COL28A1: variants seen among roughly 807,000 people sequenced by gnomAD.
The protein encoded by COL28A1 is collagen alpha-1(XXVIII) chain.
COL28A1 carries 161 observed loss-of-function variants against 150.2 expected under a neutral mutation model. The ratio of observed to expected loss-of-function variants is 1.07; its 90% CI spans 0.94 to 1.22. The LOEUF (loss-of-function observed/expected upper bound fraction) is 1.22. Among genes scored for constraint, COL28A1 ranks in the 50% most tolerant of loss-of-function variants. The probability of loss-of-function intolerance (pLI) is 0.00; values close to 1 mark genes in which losing one functional copy is unlikely to be tolerated. For missense variants in COL28A1, 1,617 were observed against 1,388.3 expected, an observed-to-expected ratio of 1.16 and a Z score of -2.62; for synonymous variants, 552 against 469.7, an observed-to-expected ratio of 1.18 and a Z score of -2.26.
chr7:7,454,721 G>C (rs1787003825), intron 16 of COL28A1, among the ~76,000 whole-genome samples: 1 of 152,164 alleles, frequency 6.6e-6, no homozygotes, highest in Non-Finnish European at 1.5e-5. Context: ...CAGGAGCACT[G>C]CAAGACCCAA....
At position 7,517,881 on chromosome 7, in the gene COL28A1, G is replaced by A. The variant is rs746746844; in HGVS notation, c.814-44C>T. 5.0e-6 allele frequency: 8 copies of A among 1,608,510 alleles called. 1 individual carries two copies. In the South Asian group the frequency reaches 5.5e-5, roughly 11 times the overall value. On this transcript the variant is annotated intron_variant, in intron 6 of 34. Coordinates refer to ENST00000399429, the MANE Select transcript of COL28A1 (RefSeq NM_001037763.3). ...AGTAAAAATTCCACAGCCCTGAAGA[G>A]TGACTGATTGCTCAATAAAATGCAT...
intron 11 of COL28A1, among the ~76,000 whole-genome samples, chr7:7,504,734 A>C (rs554807760): frequency 6.6e-6 from 1 of 152,326 alleles, no homozygotes; most frequent in South Asian, 2.1e-4. Context: ...TTCCAAAATG[A>C]AAATGCTAAG....
chr7:7,540,641 TGCTTGA>T (rs1394827247), upstream of COL28A1, among the ~76,000 whole-genome samples: 1 of 152,226 alleles, frequency 6.6e-6, no homozygotes, highest in Non-Finnish European at 1.5e-5. Context: ...TCCAGGCTTG[TGCTTGA>T]GCAGGAGAAA....
the COL28A1 span, among the ~76,000 whole-genome samples, chr7:7,342,528 T>G: frequency 4.6e-5 from 7 of 152,174 alleles, no homozygotes; most frequent in African/African-American, 1.7e-4. Flanking sequence ...TTTCTTTTTT[T>G]AGATTAATTA....
chr7:7,450,294 A>G (rs1786591138), intron 18 of COL28A1, among the ~76,000 whole-genome samples: 1 of 152,206 alleles, frequency 6.6e-6, no homozygotes, highest in African/African-American at 2.4e-5. Flanking sequence ...CTAAATTTTA[A>G]AAACAAAACA....
chr7:7,444,584 C>T, intron 18 of COL28A1, 95 bp from the exon 19 acceptor site: 1 of 1,246,102 alleles, frequency 8.0e-7, no homozygotes, highest in Non-Finnish European at 1.1e-6. Flanking sequence ...TGAGAAAAGC[C>T]TCCGAGAAAT....
intron 27 of COL28A1, among the ~76,000 whole-genome samples, chr7:7,393,137 G>A (rs1422754889): frequency 6.6e-6 from 1 of 152,138 alleles, no homozygotes; most frequent in African/African-American, 2.4e-5. Context: ...CTTCAGATGG[G>A]GTTTCTGAGT....
chr7:7,358,689 A>C lies in COL28A1; in HGVS notation c.3322T>G (p.Ser1108Ala). The change falls in exon 35 of 35, where the codon TCA becomes GCA. Residue 1108 changes from serine (S) to alanine (A), a missense_variant. Physicochemically the swap from Ser to Ala is moderately conservative, Grantham distance 99. Coordinates refer to ENST00000399429, the MANE Select transcript of COL28A1 (RefSeq NM_001037763.3). Reference sequence around the variant, plus strand: ...TTTTCACTGTTGAATCTATTTCCTGAGCCATTACAGCCACTGAACCAAAAT... The same window carrying C: ...TTTTCACTGTTGAATCTATTTCCTGCGCCATTACAGCCACTGAACCAAAAT... ...ARFWFSGCNG[S>A]GNRFNSEKEC... 1.9e-6 allele frequency: 3 copies of C among 1,614,032 alleles called. No homozygotes were observed. Among genetic ancestry groups the C allele is most frequent in the Non-Finnish European group, 2.5e-6 (3 of 1,179,952 alleles).
chr7:7,477,798 C>A (rs908235372), intron 13 of COL28A1, among the ~76,000 whole-genome samples: 3 of 152,192 alleles, frequency 2.0e-5, no homozygotes, highest in Admixed American at 2.0e-4. Flanking sequence ...GTTGCCTCTG[C>A]TGGCTAGGGC....
At chr7:7,345,339 A>G in the COL28A1 span, among the ~76,000 whole-genome samples, 1 of 152,020 alleles carries the variant, frequency 6.6e-6, no homozygotes, top group Non-Finnish European at 1.5e-5. Flanking sequence ...TAATATGTTC[A>G]TTATTATCTT....
intron 6 of COL28A1, among the ~76,000 whole-genome samples, chr7:7,518,713 T>A (rs1239460930): frequency 6.6e-6 from 1 of 152,196 alleles, no homozygotes; most frequent in Non-Finnish European, 1.5e-5. Context: ...TGTTAATTGC[T>A]ATAATGAAAG....
chr7:7,347,273 C>T, the COL28A1 span, among the ~76,000 whole-genome samples: 1 of 152,036 alleles, frequency 6.6e-6, no homozygotes, highest in Admixed American at 6.6e-5. Flanking sequence ...TGACACAGCT[C>T]CCTTTGTCAT....
In COL28A1 at chr7:7,532,924, A is replaced by G; in HGVS notation, c.-37-12T>C. ...CTGTCTTGTAGCACCTTTAATAGAA[A>G]AGTCAGTTACAAATACTTTAATAAA... On this transcript the variant is annotated splice_polypyrimidine_tract_variant and intron_variant, in intron 1 of 34. Coordinates refer to ENST00000399429, the MANE Select transcript of COL28A1 (RefSeq NM_001037763.3). 2.6e-6 allele frequency: 4 copies of G among 1,513,096 alleles called. No homozygotes were observed. The highest frequency in any genetic ancestry group is 3.5e-6 in the Non-Finnish European group (4 of 1,133,600). The allele number at this position is 1,513,096 out of a possible 1,614,324, so 93.7% of individuals were successfully genotyped here. A position where few individuals can be genotyped will look rare whatever the true frequency, so the allele number is the denominator to read the frequency against.
chr7:7,388,551 T>C (rs1025029583), intron 27 of COL28A1, among the ~76,000 whole-genome samples: 10 of 152,158 alleles, frequency 6.6e-5, no homozygotes, highest in African/African-American at 1.7e-4. Context: ...TCAAATGGTA[T>C]TTCTGGTTCT....
intron 15 of COL28A1, among the ~76,000 whole-genome samples, chr7:7,463,236 G>A (rs1472516359): frequency 1.3e-5 from 2 of 151,762 alleles, no homozygotes; most frequent in African/African-American, 4.8e-5. Context: ...CTGTCATCAG[G>A]TTATCTGAAG....
In COL28A1 at chr7:7,432,456, CTACTT is replaced by C. The variant is rs781242030; in HGVS notation, c.1998+12_1998+16del. The C allele has an allele frequency of 6.2e-6, 10 of 1,612,216 alleles. No homozygotes were observed. Among genetic ancestry groups the C allele is most frequent in the African/African-American group, 1.3e-5 (1 of 74,848 alleles). The stretch of plus-strand genomic sequence containing the variant: ...GCACTCTTAGAAGCTAGTACGTTGC[CTACTT>C]TAAAGTCTTACCTTTGCTCCAGTGT... On this transcript the variant is annotated intron_variant, in intron 25 of 34. Coordinates refer to ENST00000399429, the MANE Select transcript of COL28A1 (RefSeq NM_001037763.3).
intron 23 of COL28A1, among the ~76,000 whole-genome samples, chr7:7,434,220 A>G (rs1785184417): frequency 6.6e-6 from 1 of 152,216 alleles, no homozygotes; most frequent in Non-Finnish European, 1.5e-5. Context: ...CCTACTATTC[A>G]TCATCAACAA....
At position 7,477,208 on chromosome 7, in the gene COL28A1, C is replaced by T. The variant is rs368665737; in HGVS notation, c.1165-28G>A. On this transcript the variant is annotated intron_variant, in intron 13 of 34. Coordinates refer to ENST00000399429, the MANE Select transcript of COL28A1 (RefSeq NM_001037763.3). ...GGTTAGGATAGGAGAAAATGAGGAGCAGGAGGAGAGAGAAAAGGGAAAGAG... is the reference window on the plus strand; with the variant it reads ...GGTTAGGATAGGAGAAAATGAGGAGTAGGAGGAGAGAGAAAAGGGAAAGAG... The T allele has an allele frequency of 5.3e-5, 48 of 904,940 alleles. 1 individual carries two copies. In the Middle Eastern group the frequency reaches 1.1e-3, roughly 20 times the overall value. 56.1% of individuals were successfully genotyped at this position (904,940 alleles called of 1,614,324 possible).
intron 30 of COL28A1, among the ~76,000 whole-genome samples, chr7:7,377,718 A>C (rs552690486): frequency 6.6e-6 from 1 of 151,050 alleles, no homozygotes; most frequent in East Asian, 2.0e-4. Flanking sequence ...CATGATCCCT[A>C]GGCAGAGAAG....
Sources: gnomAD v4.1 joint callset for allele counts (sites outside exome capture counted in the v4.1 genomes callset) on GRCh38, gnomAD v4.1.1 for gene constraint, MANE v1.5 for transcripts, NCBI Gene and HGNC (gene_info 2026-07-23, HGNC 2026-07-21) for gene names.